The following WNT7B variants were observed in gnomAD, a reference collection of about 807,000 sequenced individuals.
The protein encoded by WNT7B is Wnt family member 7B.
In WNT7B, 19 loss-of-function variants were observed where a neutral mutation model predicts 38.2. The observed-to-expected ratio is 0.50, with a 90% CI of 0.35 to 0.73. The LOEUF (loss-of-function observed/expected upper bound fraction) is 0.73, where lower values mean the gene tolerates loss of function less well. Among genes scored for constraint, WNT7B ranks in the 30% least tolerant of loss-of-function variants. WNT7B has a pLI of 0.01. For synonymous variants in WNT7B, 243 were observed against 209.3 expected (o/e 1.16, Z -1.39); for missense variants, 423 against 507.9 (o/e 0.83, Z 1.61).
At position 45,975,458 on chromosome 22, in the gene WNT7B, A is replaced by C; in HGVS notation, c.71+1226T>G. ...CGCAGACACGCCCGCCCAGACCTGC[A>C]GGGCTCAGGCTAGGACGGGGGCTTC... On this transcript the variant is annotated intron_variant, in intron 1 of 3. Coordinates refer to ENST00000339464, the MANE Select transcript of WNT7B (RefSeq NM_058238.3). This position sits in a 1 kb window ranked among gnomAD's most constrained non-coding sequence, Gnocchi z 6.6. 2 of 690,258 alleles carry C rather than the reference A, an allele frequency of 2.9e-6. No individual in the cohort carries two copies. The highest frequency in any genetic ancestry group is 1.5e-5 in the South Asian group (1 of 64,566). The allele number at this position is 690,258 out of a possible 1,614,324, so 42.8% of individuals were successfully genotyped here. A position where few individuals can be genotyped will look rare whatever the true frequency, so the allele number is the denominator to read the frequency against.
chr22:45,964,065 C>A (rs1421189811), intron 1 of WNT7B, among the ~76,000 whole-genome samples: 1 of 152,072 alleles, frequency 6.6e-6, no homozygotes, highest in South Asian at 2.1e-4. Flanking sequence ...TGCCCCTCCC[C>A]AGGTGCAGGT....
intron 1 of WNT7B, 83 bp from the exon 2 acceptor site, chr22:45,950,229 C>T: frequency 8.1e-7 from 1 of 1,228,264 alleles, no homozygotes. Context: ...CCCACTCAGC[C>T]TCTCAGTCAC....
rs1930894164 is a variant in WNT7B at position 45,920,592 on chromosome 22, G to T, written c.*2264C>A. On this transcript the variant is annotated 3_prime_UTR_variant, in exon 4 of 4. Coordinates refer to ENST00000339464, the MANE Select transcript of WNT7B (RefSeq NM_058238.3). ...TGCGAGTGTCTCGGTGGCATCAGGGGCCCCAAGGGTCTGTTGAAGCAGGAG... is the reference window on the plus strand; with the variant it reads ...TGCGAGTGTCTCGGTGGCATCAGGGTCCCCAAGGGTCTGTTGAAGCAGGAG... 2 of 142,254 alleles carry T rather than the reference G, an allele frequency of 1.4e-5. No homozygotes were observed. Among genetic ancestry groups the T allele is most frequent in the African/African-American group, 5.2e-5 (2 of 38,258 alleles). 8.8% of individuals were successfully genotyped at this position (142,254 alleles called of 1,614,324 possible).
rs1601747102 is a variant in WNT7B at position 45,976,816 on chromosome 22, A to C, written c.-62T>G. The C allele has an allele frequency of 6.7e-7, 1 of 1,494,326 alleles. No individual in the cohort carries two copies. Among genetic ancestry groups the C allele is most frequent in the South Asian group, 1.2e-5 (1 of 84,382 alleles). The allele number at this position is 1,494,326 out of a possible 1,614,324, so 92.6% of individuals were successfully genotyped here. Reference sequence around the variant, plus strand: ...GCCGGAGGGGACGCGCGGGCCCGGCAGGGCCGGGCAGGGGCCAGGGGGCTG... The same window carrying C: ...GCCGGAGGGGACGCGCGGGCCCGGCCGGGCCGGGCAGGGGCCAGGGGGCTG... On this transcript the variant is annotated 5_prime_UTR_variant, in exon 1 of 4. Coordinates refer to ENST00000339464, the MANE Select transcript of WNT7B (RefSeq NM_058238.3). The surrounding 1 kb of genome is among the most constrained non-coding windows in gnomAD (Gnocchi z 8.5).
chr22:45,933,915 G>C lies in WNT7B; in HGVS notation c.299-2546C>G, dbSNP rs951352996. ...TGGCACTTTCTGTCCAGGTGCCAGG[G>C]CCAGCTGCTGGGGAGGGCTGGATGT... On this transcript the variant is annotated intron_variant, in intron 2 of 3. Transcript: ENST00000339464. Among the ~76,000 whole-genome samples the C allele has an allele frequency of 2.0e-5, 3 of 152,214 alleles. No individual in the cohort carries two copies. In the South Asian group the frequency reaches 6.2e-4, roughly 31 times the overall value.
intron 2 of WNT7B, among the ~76,000 whole-genome samples, chr22:45,935,209 G>A (rs1931484970): frequency 6.6e-6 from 1 of 152,170 alleles, no homozygotes; most frequent in South Asian, 2.1e-4. Context: ...TTAGAAGCCG[G>A]TCCTCTGCAG....
intron 1 of WNT7B, among the ~76,000 whole-genome samples, chr22:45,969,189 G>A (rs1932376508): frequency 6.6e-6 from 1 of 152,234 alleles, no homozygotes; most frequent in African/African-American, 2.4e-5. Context: ...GGCCTGGCGG[G>A]GCCGTGGTAA....
chr22:45,929,871 TCCAA>T (rs1269604292), intron 3 of WNT7B, among the ~76,000 whole-genome samples: 13 of 141,654 alleles, frequency 9.2e-5, no homozygotes, highest in Middle Eastern at 7.0e-3. Context: ...CATCCATCCA[TCCAA>T]CCATCTACCC....
chr22:45,959,983 C>T (rs1932159498), intron 1 of WNT7B, among the ~76,000 whole-genome samples: 1 of 152,204 alleles, frequency 6.6e-6, no homozygotes, highest in Non-Finnish European at 1.5e-5. Context: ...CCGCAGATAA[C>T]ATGGACCTCT....
At chr22:45,933,491 C>T (rs573582920) in intron 2 of WNT7B, among the ~76,000 whole-genome samples, 4 of 152,232 alleles carry the variant, frequency 2.6e-5, no homozygotes, top group Non-Finnish European at 4.4e-5. Context: ...GGGTATTAAA[C>T]GCCCCGTTCT....
intron 1 of WNT7B, among the ~76,000 whole-genome samples, chr22:45,952,139 C>T (rs1039761271): frequency 1.3e-5 from 2 of 152,306 alleles, no homozygotes; most frequent in East Asian, 3.9e-4. Flanking sequence ...GGGGGACCGC[C>T]GGGGGCTCCC....
At chr22:45,970,654 C>T (rs1292080382) in intron 1 of WNT7B, among the ~76,000 whole-genome samples, 1 of 152,186 alleles carries the variant, frequency 6.6e-6, no homozygotes, top group Non-Finnish European at 1.5e-5. Context: ...TTCCCAAGCA[C>T]CGGAGCTGCC....
intron 3 of WNT7B, among the ~76,000 whole-genome samples, chr22:45,928,822 C>A (rs975198214): frequency 1.3e-5 from 2 of 152,208 alleles, no homozygotes; most frequent in African/African-American, 4.8e-5. Context: ...CCAACACCAC[C>A]CTACCCGGCC....
At chr22:45,928,598 G>A (rs933546298) in intron 3 of WNT7B, among the ~76,000 whole-genome samples, 1 of 131,780 alleles carries the variant, frequency 7.6e-6, no homozygotes, top group Non-Finnish European at 1.7e-5. Flanking sequence ...CCACCCGTGG[G>A]GACCATCACC....
chr22:45,938,039 T>C (rs867138081), intron 2 of WNT7B, among the ~76,000 whole-genome samples: 15 of 151,870 alleles, frequency 9.9e-5, no homozygotes, highest in African/African-American at 3.6e-4. Context: ...TACAACTCAA[T>C]AATAAAATGG....
Position 45,957,111 on chromosome 22 carries a change from A to AAG in WNT7B, c.72-6966_72-6965insCT, listed in dbSNP as rs376634535. ...CAGAGCGAGACTCTGTCTCAAAAAA[A>AAG]AAAAAAAAAAAAAATCCCCAGGACA... On this transcript the variant is annotated intron_variant, in intron 1 of 3. Transcript: ENST00000339464. Among the ~76,000 whole-genome samples, 253 of 123,476 alleles carry AAG rather than the reference A, an allele frequency of 2.0e-3. 1 individual carries two copies. The highest frequency in any genetic ancestry group is 3.0e-3 in the Non-Finnish European group (170 of 56,278). 81.0% of individuals were successfully genotyped at this position (123,476 alleles called of 152,430 possible).
chr22:45,932,816 G>A (rs1360400091), intron 2 of WNT7B, among the ~76,000 whole-genome samples: 1 of 152,212 alleles, frequency 6.6e-6, no homozygotes, highest in Non-Finnish European at 1.5e-5. Context: ...GCCCAGGAGA[G>A]GGCAGCTGGA....
chr22:45,942,165 C>G (rs111423073), intron 2 of WNT7B, among the ~76,000 whole-genome samples: 1 of 152,152 alleles, frequency 6.6e-6, no homozygotes, highest in Non-Finnish European at 1.5e-5. Flanking sequence ...GAGACACCCC[C>G]GGGCCACATC....
intron 3 of WNT7B, chr22:45,925,468 G>A: frequency 4.1e-6 from 4 of 985,302 alleles, no homozygotes; most frequent in Non-Finnish European, 4.8e-6. Flanking sequence ...GGCAGCTTTG[G>A]GGAATTGCAG....
Sources: gnomAD v4.1 joint callset for allele counts (sites outside exome capture counted in the v4.1 genomes callset) on GRCh38, gnomAD v4.1.1 for gene constraint, Gnocchi (gnomAD v3.1) non-coding constraint, MANE v1.5 for transcripts, NCBI Gene and HGNC (gene_info 2026-07-23, HGNC 2026-07-21) for gene names.